Variants in GSG1L observed in about 807,000 individuals in gnomAD.
The protein encoded by GSG1L is germ cell-specific gene 1-like protein.
In GSG1L, 24 loss-of-function variants were observed where a neutral mutation model predicts 42.1. That is an observed-to-expected ratio of 0.57 (90% CI 0.41 to 0.80). The LOEUF (loss-of-function observed/expected upper bound fraction) is 0.80. Among genes scored for constraint, GSG1L ranks in the 30% least tolerant of loss-of-function variants. The pLI is 0.00. For missense variants in GSG1L, 445 were observed against 472.2 expected (o/e 0.94, Z 0.53); for synonymous variants, 215 against 203.5 (o/e 1.06, Z -0.48).
chr16:27,807,452 C>G lies in GSG1L; in HGVS notation c.898+35G>C, dbSNP rs1286035961. ...CTTTCTCCTCTGGCAGCCCATGAAT[C>G]TGTCGTAGCAGATACCCACAAACAG... On this transcript the variant is annotated intron_variant, in intron 6 of 6. Transcript: ENST00000447459. The G allele has an allele frequency of 1.9e-6, 3 of 1,577,608 alleles. No homozygotes were observed. In the Admixed American group the frequency reaches 5.1e-5, roughly 27 times the overall value.
intron 2 of GSG1L, among the ~76,000 whole-genome samples, chr16:27,905,527 G>A (rs748871090): frequency 6.6e-6 from 1 of 151,956 alleles, no homozygotes; most frequent in East Asian, 1.9e-4. Context: ...CTGTTGCCCA[G>A]GCTGCTCTTG....
intron 2 of GSG1L, among the ~76,000 whole-genome samples, chr16:27,890,723 G>A (rs373717189): frequency 3.3e-5 from 5 of 152,206 alleles, no homozygotes; most frequent in Admixed American, 2.0e-4. Context: ...TACATGAGCC[G>A]TGGAACATCC....
chr16:28,005,458 T>C (rs2085627821), intron 1 of GSG1L, among the ~76,000 whole-genome samples: 1 of 152,202 alleles, frequency 6.6e-6, no homozygotes, highest in South Asian at 2.1e-4. Flanking sequence ...CTGTAAGGGT[T>C]TGTATTTCTG....
intron 3 of GSG1L, among the ~76,000 whole-genome samples, chr16:27,846,155 T>G (rs954717467): frequency 6.6e-6 from 1 of 152,220 alleles, no homozygotes; most frequent in African/African-American, 2.4e-5. Flanking sequence ...TTCCTAACTG[T>G]TCATTCTGTC....
chr16:27,881,238 C>CTT (rs149874320), intron 3 of GSG1L, among the ~76,000 whole-genome samples: 43,574 of 106,858 alleles, frequency 0.41, 11,198 homozygotes, highest in East Asian at 0.61. Context: ...AAGTATCATA[C>CTT]TTTTTTTTTT....
chr16:27,836,289 T>C (rs949063199), intron 4 of GSG1L, among the ~76,000 whole-genome samples: 1 of 148,908 alleles, frequency 6.7e-6, no homozygotes, highest in African/African-American at 2.5e-5. Context: ...TTTTTTTTTT[T>C]TAACTTTAGT....
At chr16:28,010,371 C>T (rs2085702403) in intron 1 of GSG1L, among the ~76,000 whole-genome samples, 1 of 152,156 alleles carries the variant, frequency 6.6e-6, no homozygotes, top group African/African-American at 2.4e-5. Flanking sequence ...AAGGCTTGGA[C>T]CCTAGAGACA....
chr16:28,029,038 C>T (rs955560177), intron 1 of GSG1L, among the ~76,000 whole-genome samples: 1 of 152,218 alleles, frequency 6.6e-6, no homozygotes, highest in African/African-American at 2.4e-5. Flanking sequence ...CTACGGAAAG[C>T]ACCTTGCCTA....
At chr16:27,959,340 C>T (rs79738843) in intron 2 of GSG1L, among the ~76,000 whole-genome samples, 11 of 149,826 alleles carry the variant, frequency 7.3e-5, no homozygotes, top group Admixed American at 1.3e-4. Flanking sequence ...TGGTGGCGTG[C>T]GCCTGTAATC....
chr16:28,046,788 C>T (rs1273627256), intron 1 of GSG1L, among the ~76,000 whole-genome samples: 2 of 152,210 alleles, frequency 1.3e-5, no homozygotes, highest in Admixed American at 1.3e-4. Context: ...CTGCACAAAG[C>T]CTGCGCAAAG....
At chr16:27,878,897 T>C (rs550488735) in intron 3 of GSG1L, among the ~76,000 whole-genome samples, 21 of 152,164 alleles carry the variant, frequency 1.4e-4, no homozygotes, top group African/African-American at 1.9e-4. Flanking sequence ...CAGGGTGGGG[T>C]TCACAGATGA....
At chr16:27,968,117 CATA>C (rs2085155086) in intron 1 of GSG1L, among the ~76,000 whole-genome samples, 2 of 151,992 alleles carry the variant, frequency 1.3e-5, no homozygotes, top group South Asian at 2.1e-4. Context: ...AACTTCAAAA[CATA>C]ATAATAAGAA....
chr16:28,007,854 T>C (rs867075627), intron 1 of GSG1L, among the ~76,000 whole-genome samples: 2 of 152,080 alleles, frequency 1.3e-5, no homozygotes, highest in South Asian at 2.1e-4. Context: ...TTTGTGGTAA[T>C]CTGAGGACCC....
At chr16:27,824,072 C>T (rs2083180070) in intron 5 of GSG1L, among the ~76,000 whole-genome samples, 1 of 152,208 alleles carries the variant, frequency 6.6e-6, no homozygotes, top group Admixed American at 6.5e-5. Flanking sequence ...CATCTCCATC[C>T]TAAGCTGGTC....
rs1425963432 is a variant in GSG1L, at chr16:27,807,541, C to T, written c.844G>A (p.Asp282Asn). Residue 282 changes from aspartate (D) to asparagine (N), a missense_variant, in exon 6 of 7, where the codon GAC (aspartate) becomes AAC (asparagine). Asp to Asn is a conservative substitution (Grantham distance 23). Coordinates refer to ENST00000447459, the MANE Select transcript of GSG1L (RefSeq NM_001109763.2). ...AAGTGAAAGTCCTCCTCGCTCCCGT[C>T]CCTCTTCTCCATCCTGGAAAGAAAA... ...KYFRERMEKR[D>N]GSEEDFHLDC... 3 of 1,612,264 alleles carry T rather than the reference C, an allele frequency of 1.9e-6. No individual in the cohort carries two copies. In the African/African-American group the frequency reaches 4.0e-5, roughly 22 times the overall value.
intron 3 of GSG1L, among the ~76,000 whole-genome samples, chr16:27,850,957 G>C (rs1048776344): frequency 5.9e-5 from 9 of 152,046 alleles, no homozygotes; most frequent in Non-Finnish European, 1.0e-4. Context: ...TAAACGCCGG[G>C]AAGGCGTTTT....
intron 1 of GSG1L, among the ~76,000 whole-genome samples, chr16:28,052,752 T>C (rs917901847): frequency 6.6e-6 from 1 of 152,242 alleles, no homozygotes; most frequent in African/African-American, 2.4e-5. Context: ...TGCAACAGCA[T>C]AGCCCAGGCT....
At chr16:27,951,669 G>C (rs1428770290) in intron 2 of GSG1L, among the ~76,000 whole-genome samples, 3 of 152,168 alleles carry the variant, frequency 2.0e-5, no homozygotes, top group African/African-American at 4.8e-5. Context: ...CCTGTTTTTA[G>C]CTCAGATGTC....
At chr16:27,888,163 C>G (rs2084051889) in intron 2 of GSG1L, 6 of 984,686 alleles carry the variant, frequency 6.1e-6, no homozygotes, top group Non-Finnish European at 7.2e-6. Flanking sequence ...CTGCCTCCCC[C>G]ACGCAGCCCC....
Sources: gnomAD v4.1 joint callset for allele counts (sites outside exome capture counted in the v4.1 genomes callset) on GRCh38, gnomAD v4.1.1 for gene constraint, MANE v1.5 for transcripts, NCBI Gene and HGNC (gene_info 2026-07-23, HGNC 2026-07-21) for gene names.